Variants in ASIC2 observed in about 807,000 individuals in gnomAD.
ASIC2 encodes acid-sensing ion channel 2.
Under a neutral mutation model 57.3 loss-of-function variants are expected in ASIC2, and 25 were observed. That is an observed-to-expected ratio of 0.44 (90% CI 0.32 to 0.61). The LOEUF (loss-of-function observed/expected upper bound fraction) is 0.61, where lower values mean the gene tolerates loss of function less well. Ranked by LOEUF, ASIC2 falls within the 20% of genes least tolerant of loss-of-function variation. The pLI is 0.06. For synonymous variants in ASIC2, 319 were observed against 307.5 expected (o/e 1.04, Z -0.39); for missense variants, 641 against 738.1 (o/e 0.87, Z 1.52).
At chr17:33,700,387 G>A (rs1418585915) in intron 1 of ASIC2, among the ~76,000 whole-genome samples, 2 of 152,182 alleles carry the variant, frequency 1.3e-5, no homozygotes, top group East Asian at 1.9e-4. Flanking sequence ...GAGATCCCTA[G>A]CTGGAATACC....
chr17:33,322,934 A>G (rs1906926322), intron 1 of ASIC2, among the ~76,000 whole-genome samples: 1 of 152,248 alleles, frequency 6.6e-6, no homozygotes, highest in Non-Finnish European at 1.5e-5. Context: ...CTGAACAATT[A>G]GAATTTAGTA....
At chr17:33,106,809 G>A (rs2092236594) in intron 2 of ASIC2, among the ~76,000 whole-genome samples, 1 of 152,094 alleles carries the variant, frequency 6.6e-6, no homozygotes, top group African/African-American at 2.4e-5. Flanking sequence ...TTTGCTGGGG[G>A]CAGGATCTGT....
rs537939851 is a variant in ASIC2, at chr17:34,084,856, T to A, written c.555+71122A>T. 2.9e-3 allele frequency among the ~76,000 whole-genome samples: 437 copies of A among 152,320 alleles called. 3 individuals are homozygous for A. The highest frequency in any genetic ancestry group is 0.01 in the African/African-American group (416 of 41,554). On this transcript the variant is annotated intron_variant, in intron 1 of 9. Transcript: ENST00000359872. ...TGGCTGTTTGTCTGTTATTGGTGTA[T>A]AAGAATGCTTGTGATTTTTGCACAT...
At chr17:33,751,957 TG>T (rs1342039049) in intron 1 of ASIC2, among the ~76,000 whole-genome samples, 1 of 5,606 alleles carries the variant, frequency 1.8e-4, no homozygotes, top group African/African-American at 7.2e-4. Flanking sequence ...AGGGGTGGGG[TG>T]GGGGTGGGGA....
chr17:33,829,639 C>T (rs1283862742), intron 1 of ASIC2, among the ~76,000 whole-genome samples: 1 of 149,726 alleles, frequency 6.7e-6, no homozygotes, highest in Admixed American at 6.7e-5. Context: ...TGCAGTGGTG[C>T]GATCTCAGCT....
intron 1 of ASIC2, among the ~76,000 whole-genome samples, chr17:33,894,929 A>G (rs945195232): frequency 1.3e-4 from 20 of 152,130 alleles, no homozygotes; most frequent in Non-Finnish European, 2.6e-4. Flanking sequence ...GATGCACCCC[A>G]TGCATCCTGA....
intron 3 of ASIC2, among the ~76,000 whole-genome samples, chr17:33,045,946 A>G (rs967364771): frequency 6.6e-6 from 1 of 152,208 alleles, no homozygotes; most frequent in African/African-American, 2.4e-5. Context: ...GCTGCCGGGT[A>G]CAGCTATGCA....
chr17:33,076,980 C>T (rs2092091331), intron 3 of ASIC2, among the ~76,000 whole-genome samples: 1 of 152,136 alleles, frequency 6.6e-6, no homozygotes, highest in African/African-American at 2.4e-5. Context: ...GGAATGCATG[C>T]TTTTTTATTT....
Position 33,577,305 on chromosome 17 carries a change from A to G in ASIC2, c.556-465238T>C, listed in dbSNP as rs116581370. ...GGCCCCAGGTCTAAGTGCAGCCCTT[A>G]AATTACTGTGCAGCTTCAGAAGAGA... is the stretch of plus-strand genomic sequence containing the variant. On this transcript the variant is annotated intron_variant, in intron 1 of 9. Coordinates refer to the ASIC2 transcript ENST00000359872. 6.6e-3 allele frequency among the ~76,000 whole-genome samples: 1,000 copies of G among 152,276 alleles called. 9 individuals carry two copies. Among genetic ancestry groups the G allele is most frequent in the African/African-American group, 0.023 (963 of 41,534 alleles).
At chr17:33,506,640 T>C (rs140429888) in intron 1 of ASIC2, among the ~76,000 whole-genome samples, 1 of 152,238 alleles carries the variant, frequency 6.6e-6, no homozygotes, top group East Asian at 1.9e-4. Context: ...GAATCAGGCT[T>C]TTAGAATCAG....
At chr17:34,005,853 C>T (rs1906508670) in intron 1 of ASIC2, 1 of 152,214 alleles carries the variant, frequency 6.6e-6, no homozygotes. Context: ...TCTCTTTGTG[C>T]CCCTTCCTGA....
At chr17:33,762,602 G>A (rs1468196649) in intron 1 of ASIC2, among the ~76,000 whole-genome samples, 3 of 152,142 alleles carry the variant, frequency 2.0e-5, no homozygotes, top group Non-Finnish European at 4.4e-5. Context: ...TTTCAGAAAG[G>A]CCGCTCCCAT....
chr17:33,196,436 C>T (rs1906632411), intron 1 of ASIC2, among the ~76,000 whole-genome samples: 1 of 152,090 alleles, frequency 6.6e-6, no homozygotes, highest in Admixed American at 6.5e-5. Flanking sequence ...CATGGGGTAC[C>T]TGTGAGGCGT....
intron 2 of ASIC2, among the ~76,000 whole-genome samples, chr17:33,102,831 T>G (rs1443186042): frequency 6.6e-6 from 1 of 152,238 alleles, no homozygotes; most frequent in Non-Finnish European, 1.5e-5. Context: ...TCGCCCAGGC[T>G]GGAGTGCAAT....
At chr17:33,651,693 C>T (rs1159054767) in intron 1 of ASIC2, among the ~76,000 whole-genome samples, 1 of 152,218 alleles carries the variant, frequency 6.6e-6, no homozygotes, top group Non-Finnish European at 1.5e-5. Flanking sequence ...AGAGCTTGTC[C>T]TCAAGAAGCC....
At chr17:34,057,031 T>C (rs1257746705) in intron 1 of ASIC2, among the ~76,000 whole-genome samples, 1 of 152,206 alleles carries the variant, frequency 6.6e-6, no homozygotes, top group Non-Finnish European at 1.5e-5. Context: ...ACTGAAGCCA[T>C]AGGTGAGTTG....
At chr17:34,015,325 C>T (rs190087648) in intron 1 of ASIC2, among the ~76,000 whole-genome samples, 4 of 152,258 alleles carry the variant, frequency 2.6e-5, no homozygotes, top group African/African-American at 9.6e-5. Context: ...TCCAGTTTCC[C>T]TGTAGTGGTC....
intron 1 of ASIC2, among the ~76,000 whole-genome samples, chr17:33,191,649 A>G (rs1352171908): frequency 6.6e-6 from 1 of 151,876 alleles, no homozygotes; most frequent in Non-Finnish European, 1.5e-5. Context: ...AGCCACCAGT[A>G]GGGTGGCAAC....
intron 1 of ASIC2, among the ~76,000 whole-genome samples, chr17:33,312,325 T>C (rs1386529074): frequency 6.6e-6 from 1 of 152,226 alleles, no homozygotes; most frequent in Non-Finnish European, 1.5e-5. Context: ...ACAGGAAGTA[T>C]CATGGTGTCC....
Sources: gnomAD v4.1 joint callset for allele counts (sites outside exome capture counted in the v4.1 genomes callset) on GRCh38, gnomAD v4.1.1 for gene constraint, MANE v1.5 for transcripts, NCBI Gene and HGNC (gene_info 2026-07-23, HGNC 2026-07-21) for gene names.